ABCE1: variants seen among roughly 807,000 people sequenced by gnomAD.
The protein encoded by ABCE1 is ATP-binding cassette sub-family E member 1.
A neutral mutation model predicts 83.4 loss-of-function variants in ABCE1; 22 were observed. The observed-to-expected ratio is 0.26, with a 90% CI of 0.19 to 0.38. The LOEUF (loss-of-function observed/expected upper bound fraction) is 0.38, where lower values mean the gene tolerates loss of function less well. ABCE1 is among the 10% of genes least tolerant of loss of function. The pLI is 1.00. For synonymous variants in ABCE1, 204 were observed against 233.7 expected, an observed-to-expected ratio of 0.87 and a Z score of 1.16; for missense variants, 330 against 721.9, an observed-to-expected ratio of 0.46 and a Z score of 6.22.
At chr4:145,120,591 T>G (rs1749715828) in intron 11 of ABCE1, among the ~76,000 whole-genome samples, 1 of 152,070 alleles carries the variant, frequency 6.6e-6, no homozygotes, top group South Asian at 2.1e-4. Context: ...ATTACCAGCA[T>G]ATATTTCATA....
rs35207405 is a variant in ABCE1, at chr4:145,110,244, G to T, written c.543+4G>T. ...CCAGATTCCTAAGGCTGCAAAGGTC[G>T]GTTTTTGATAGAGGGAACTTAACGG... On this transcript the variant is annotated splice_donor_region_variant and intron_variant, in intron 6 of 17. Transcript: ENST00000296577. The T allele has an allele frequency of 6.3e-7, 1 of 1,597,078 alleles. No individual in the cohort carries two copies. The highest frequency in any genetic ancestry group is 2.2e-5 in the East Asian group (1 of 44,682).
At chr4:145,123,397 C>T in intron 15 of ABCE1, 40 bp downstream of exon 15, 1 of 1,596,296 alleles carries the variant, frequency 6.3e-7, no homozygotes, top group Non-Finnish European at 8.6e-7. Flanking sequence ...ATTATGTATA[C>T]TGTCCTACAA....
chr4:145,124,616 T>C (rs34835465), intron 16 of ABCE1, among the ~76,000 whole-genome samples: 6,919 of 151,080 alleles, frequency 0.046, 225 homozygotes, highest in Middle Eastern at 0.12. Context: ...AAATTTTTCA[T>C]ATAAATATAA....
rs1749427820 is a variant in ABCE1, at chr4:145,110,162, C to T, written c.465C>T (p.Tyr155=). The T allele has an allele frequency of 6.2e-7, 1 of 1,602,366 alleles. No individual in the cohort carries two copies. Among genetic ancestry groups the T allele is most frequent in the African/African-American group, 1.4e-5 (1 of 73,942 alleles). ...TCCGTGGATCTGAATTACAAAATTA[C>T]TTTACAAAGATTCTAGAAGATGACC... ...TYFRGSELQN[Y]FTKILEDDLK... Residue 155 remains tyrosine (Y), a synonymous_variant, in exon 6 of 18, where the codon TAC becomes TAT. Transcript: ENST00000296577.
intron 13 of ABCE1, chr4:145,122,128 C>G (rs1358572050): frequency 1.3e-5 from 2 of 152,148 alleles, no homozygotes; most frequent in African/African-American, 2.4e-5. Flanking sequence ...TTAACAAATG[C>G]CACAGTCCTT....
intron 17 of ABCE1, 120 bp downstream of exon 17, chr4:145,125,221 C>A: frequency 1.5e-6 from 1 of 680,810 alleles, no homozygotes; most frequent in Non-Finnish European, 2.4e-6. Flanking sequence ...GATTCAAGCA[C>A]TTTTGGGAGG....
intron 10 of ABCE1, among the ~76,000 whole-genome samples, chr4:145,119,375 T>G (rs1354169322): frequency 1.3e-5 from 2 of 151,972 alleles, no homozygotes; most frequent in African/African-American, 4.8e-5. Context: ...TAAAATCTGT[T>G]TAGATAATGG....
intron 10 of ABCE1, 38 bp downstream of exon 10, chr4:145,117,452 C>T (rs780588501): frequency 6.3e-7 from 1 of 1,594,452 alleles, no homozygotes; most frequent in South Asian, 1.1e-5. Context: ...GCTGTATTCT[C>T]TTCTACTCTA....
chr4:145,121,434 A>G (rs190591285), intron 13 of ABCE1, 43 bp downstream of exon 13: 145 of 1,374,288 alleles, frequency 1.1e-4, no homozygotes, highest in Non-Finnish European at 1.2e-4. Flanking sequence ...AAAATTTTGT[A>G]TATATGCCTA....
At chr4:145,126,020 A>G (rs1190259398) in intron 17 of ABCE1, among the ~76,000 whole-genome samples, 1 of 152,088 alleles carries the variant, frequency 6.6e-6, no homozygotes, top group Non-Finnish European at 1.5e-5. Context: ...CAGCCTGGGC[A>G]ACAGAGCGAG....
chr4:145,099,792 C>T (rs956057296), intron 1 of ABCE1, among the ~76,000 whole-genome samples: 1 of 152,190 alleles, frequency 6.6e-6, no homozygotes, highest in East Asian at 1.9e-4. Context: ...CACAGCGTTA[C>T]AATTATTTTG....
chr4:145,106,473 C>T (rs935828888), intron 3 of ABCE1, among the ~76,000 whole-genome samples: 1 of 151,870 alleles, frequency 6.6e-6, no homozygotes, highest in African/African-American at 2.4e-5. Flanking sequence ...TACTAGATAC[C>T]TGCCTTTATC....
chr4:145,099,165 G>A (rs1251522399), intron 1 of ABCE1, among the ~76,000 whole-genome samples: 2 of 152,054 alleles, frequency 1.3e-5, no homozygotes, highest in Non-Finnish European at 2.9e-5. Flanking sequence ...ATCTCTTCAG[G>A]GCTTCGTACA....
chr4:145,111,385 G>T (rs574467579), intron 8 of ABCE1, among the ~76,000 whole-genome samples: 1 of 152,140 alleles, frequency 6.6e-6, no homozygotes, highest in African/African-American at 2.4e-5. Context: ...GTGCAGTGGC[G>T]CAATCTTGGC....
In ABCE1 at chr4:145,110,084, A is replaced by ATT. The variant is rs4148238; in HGVS notation, c.406-4_406-3dup. ...TATTATTAAATTCACATGATTCTGTATTTTTTTTTTTTTTTTAGGATCCTC... is the reference window on the plus strand; with the variant it reads ...TATTATTAAATTCACATGATTCTGTATTTTTTTTTTTTTTTTTTAGGATCCTC... On this transcript the variant is annotated intron_variant, in intron 5 of 17. Coordinates refer to ENST00000296577, the MANE Select transcript of ABCE1 (RefSeq NM_002940.3). 1,037 of 1,362,022 alleles carry ATT rather than the reference A, an allele frequency of 7.6e-4. No homozygotes were observed. The highest frequency in any genetic ancestry group is 1.9e-3 in the South Asian group (131 of 67,780). The allele number at this position is 1,362,022 out of a possible 1,614,324, so 84.4% of individuals were successfully genotyped here.
In ABCE1 at chr4:145,117,519, C is replaced by G. The variant is rs989671388; in HGVS notation, c.922+105C>G. 4 of 1,037,662 alleles carry G rather than the reference C, an allele frequency of 3.9e-6. No individual in the cohort carries two copies. In the African/African-American group the frequency reaches 6.4e-5, roughly 17 times the overall value. 64.3% of individuals were successfully genotyped at this position (1,037,662 alleles called of 1,614,324 possible). On this transcript the variant is annotated intron_variant, in intron 10 of 17. Transcript: ENST00000296577. ...AGTTTTACATTGGTCTGATATCATC[C>G]AAAACTCTAGTTCCTTGGAATTTAA...
rs138516223 is a variant in ABCE1, at chr4:145,114,215, G to C, written c.800+1887G>C. 2.3e-3 allele frequency among the ~76,000 whole-genome samples: 347 copies of C among 152,152 alleles called. 3 individuals carry two copies. Among genetic ancestry groups the C allele is most frequent in the African/African-American group, 7.6e-3 (315 of 41,536 alleles). The stretch of plus-strand genomic sequence containing the variant: ...CATTATGATAGGCTCTTTGGGGAAG[G>C]CAAGTGTAAAAATACAGTCCCAGTA... On this transcript the variant is annotated intron_variant, in intron 9 of 17. Transcript: ENST00000296577.
At chr4:145,100,306 A>G (rs1478793189) in intron 1 of ABCE1, among the ~76,000 whole-genome samples, 3 of 152,196 alleles carry the variant, frequency 2.0e-5, no homozygotes, top group African/African-American at 7.2e-5. Context: ...GTGTCCTGTG[A>G]TCACTGCCCT....
chr4:145,111,166 T>C, intron 8 of ABCE1, 102 bp downstream of exon 8: 1 of 726,610 alleles, frequency 1.4e-6, no homozygotes, highest in Non-Finnish European at 2.2e-6. Context: ...TTAATAGAAA[T>C]AGTATCTAAG....
Sources: gnomAD v4.1 joint callset for allele counts (sites outside exome capture counted in the v4.1 genomes callset) on GRCh38, gnomAD v4.1.1 for gene constraint, MANE v1.5 for transcripts, NCBI Gene and HGNC (gene_info 2026-07-23, HGNC 2026-07-21) for gene names.